CTNND2: variants seen among roughly 807,000 people sequenced by gnomAD.
CTNND2 encodes the protein catenin delta 2, also known as catenin delta-2.
In CTNND2, 22 loss-of-function variants were observed where a neutral mutation model predicts 144.4. The ratio of observed to expected loss-of-function variants is 0.15; its 90% CI spans 0.11 to 0.22. The LOEUF is 0.22. CTNND2 is among the 10% of genes least tolerant of loss of function. CTNND2 has a pLI of 1.00. For missense variants in CTNND2, 1,353 were observed against 1,618.8 expected, an observed-to-expected ratio of 0.84 and a Z score of 2.82; for synonymous variants, 751 against 695.6, an observed-to-expected ratio of 1.08 and a Z score of -1.25.
At chr5:11,445,164 G>C (rs994383245) in intron 3 of CTNND2, among the ~76,000 whole-genome samples, 4 of 152,142 alleles carry the variant, frequency 2.6e-5, no homozygotes, top group Non-Finnish European at 5.9e-5. Context: ...CCTTTTCCCT[G>C]CTGGCTTCTG....
At chr5:10,979,111 C>A (rs1281915617) in intron 21 of CTNND2, among the ~76,000 whole-genome samples, 1 of 152,186 alleles carries the variant, frequency 6.6e-6, no homozygotes, top group Non-Finnish European at 1.5e-5. Flanking sequence ...ATGAATCTCA[C>A]ACTCTTGGCG....
intron 1 of CTNND2, among the ~76,000 whole-genome samples, chr5:11,817,995 T>TG (rs1793094328): frequency 2.8e-5 from 2 of 72,314 alleles, no homozygotes; most frequent in Non-Finnish European, 7.4e-5. Flanking sequence ...TTTTTTTTTT[T>TG]TTTTTTTTTC....
intron 9 of CTNND2, among the ~76,000 whole-genome samples, chr5:11,333,119 T>C (rs1311805514): frequency 6.6e-6 from 1 of 152,264 alleles, no homozygotes; most frequent in East Asian, 1.9e-4. Flanking sequence ...GATGTCTTCA[T>C]GATTCATCCC....
chr5:11,254,015 T>A (rs1743940947), intron 9 of CTNND2, among the ~76,000 whole-genome samples: 2 of 152,234 alleles, frequency 1.3e-5, no homozygotes, highest in African/African-American at 4.8e-5. Flanking sequence ...TACAATCCAT[T>A]ATGACTAAAA....
intron 14 of CTNND2, among the ~76,000 whole-genome samples, chr5:11,109,409 T>G (rs1752729092): frequency 6.6e-6 from 1 of 152,212 alleles, no homozygotes; most frequent in East Asian, 1.9e-4. Flanking sequence ...TTCTGAGATT[T>G]TTCTTATAGC....
rs552552340 is a variant in CTNND2 at position 11,259,336 on chromosome 5, A to G, written c.1629-22513T>C. On this transcript the variant is annotated intron_variant, in intron 9 of 21. Transcript: ENST00000304623. Reference sequence around the variant, plus strand: ...GGATATACCCTTTTAGATCCCAGCCACCACGCCAAAAAAAAAGATGGCACC... The same window carrying G: ...GGATATACCCTTTTAGATCCCAGCCGCCACGCCAAAAAAAAAGATGGCACC... 1.9e-4 allele frequency among the ~76,000 whole-genome samples: 29 copies of G among 152,184 alleles called. No homozygotes were observed. The East Asian group carries it at 5.2e-3, about 27-fold the overall frequency.
chr5:11,251,652 C>T (rs1311324308), intron 9 of CTNND2, among the ~76,000 whole-genome samples: 1 of 152,170 alleles, frequency 6.6e-6, no homozygotes, highest in African/African-American at 2.4e-5. Flanking sequence ...ATCGTCCTCA[C>T]GACAGCTGTG....
intron 16 of CTNND2, among the ~76,000 whole-genome samples, chr5:11,081,014 T>G (rs985554654): frequency 6.6e-6 from 1 of 151,104 alleles, no homozygotes. Flanking sequence ...GAGGTGGAGG[T>G]TGCAGTAAGT....
chr5:11,139,983 C>A (rs988065197), intron 12 of CTNND2, among the ~76,000 whole-genome samples: 3 of 152,178 alleles, frequency 2.0e-5, no homozygotes, highest in Non-Finnish European at 4.4e-5. Context: ...TACTCTTCTG[C>A]CTCCCTCTTT....
chr5:11,854,938 C>T (rs1561860891), intron 1 of CTNND2, among the ~76,000 whole-genome samples: 1 of 152,292 alleles, frequency 6.6e-6, no homozygotes, highest in East Asian at 1.9e-4. Context: ...AGAGGCCCCA[C>T]TATTCTCTTC....
At chr5:11,240,954 C>T (rs1414972041) in intron 9 of CTNND2, among the ~76,000 whole-genome samples, 2 of 148,930 alleles carry the variant, frequency 1.3e-5, no homozygotes, top group South Asian at 2.2e-4. Context: ...TGAGCACACA[C>T]ACCCAATACA....
chr5:10,985,847 C>T, intron 20 of CTNND2, among the ~76,000 whole-genome samples: 1 of 152,166 alleles, frequency 6.6e-6, no homozygotes, highest in East Asian at 1.9e-4. Flanking sequence ...CTGGCTTCCA[C>T]CTGGCTTGGC....
At chr5:11,841,670 G>T (rs371929214) in intron 1 of CTNND2, among the ~76,000 whole-genome samples, 3 of 152,166 alleles carry the variant, frequency 2.0e-5, no homozygotes, top group Admixed American at 6.5e-5. Context: ...ATTTCAGCAG[G>T]GGTGACATTA....
chr5:11,659,549 A>G (rs1783077911), intron 2 of CTNND2, among the ~76,000 whole-genome samples: 2 of 152,142 alleles, frequency 1.3e-5, no homozygotes, highest in African/African-American at 4.8e-5. Flanking sequence ...GAGCTGATCC[A>G]TGGCTCTATA....
intron 8 of CTNND2, among the ~76,000 whole-genome samples, chr5:11,351,580 G>C (rs1201686719): frequency 6.6e-6 from 1 of 152,144 alleles, no homozygotes; most frequent in Non-Finnish European, 1.5e-5. Flanking sequence ...TTTTAATAAA[G>C]TGAAATATTC....
At chr5:11,841,962 T>C (rs891069916) in intron 1 of CTNND2, among the ~76,000 whole-genome samples, 1 of 151,970 alleles carries the variant, frequency 6.6e-6, no homozygotes, top group African/African-American at 2.4e-5. Context: ...TTCTTTTTAA[T>C]CTGATAAAGC....
intron 1 of CTNND2, among the ~76,000 whole-genome samples, chr5:11,861,242 T>C (rs1795491030): frequency 6.6e-6 from 1 of 152,210 alleles, no homozygotes; most frequent in South Asian, 2.1e-4. Context: ...TATCATCTAC[T>C]GCCTATTGGA....
chr5:11,070,690 G>C, intron 16 of CTNND2, among the ~76,000 whole-genome samples: 1 of 110,122 alleles, frequency 9.1e-6, no homozygotes, highest in South Asian at 3.1e-4. Flanking sequence ...TCTTTGAAGT[G>C]CTGAAAAAAA....
chr5:11,477,630 G>A (rs1172428333), intron 3 of CTNND2, among the ~76,000 whole-genome samples: 1 of 152,000 alleles, frequency 6.6e-6, no homozygotes, highest in Admixed American at 6.6e-5. Flanking sequence ...GCCCAGACTG[G>A]TCTCAAACTC....
Sources: gnomAD v4.1 joint callset for allele counts (sites outside exome capture counted in the v4.1 genomes callset) on GRCh38, gnomAD v4.1.1 for gene constraint, MANE v1.5 for transcripts, NCBI Gene and HGNC (gene_info 2026-07-23, HGNC 2026-07-21) for gene names.